AKAP13: variants seen among roughly 807,000 people sequenced by gnomAD.
AKAP13 encodes A-kinase anchoring protein 13.
AKAP13 carries 80 observed loss-of-function variants against 264.5 expected under a neutral mutation model. The ratio of observed to expected loss-of-function variants is 0.30; its 90% CI spans 0.25 to 0.36. The LOEUF (loss-of-function observed/expected upper bound fraction) is 0.36, where lower values mean the gene tolerates loss of function less well. Among genes scored for constraint, AKAP13 ranks in the 10% least tolerant of loss-of-function variants. AKAP13 has a pLI of 1.00. For synonymous variants in AKAP13, 1,380 were observed against 1,250.2 expected, an observed-to-expected ratio of 1.10 and a Z score of -2.19; for missense variants, 3,712 against 3,435.2, an observed-to-expected ratio of 1.08 and a Z score of -2.01.
Position 85,718,478 on chromosome 15 carries a change from C to A in AKAP13, c.6001+319C>A, listed in dbSNP as rs946371656. Reference sequence around the variant, plus strand: ...ACTAAACACAAGTCATTTCTGAGAACTGGGTATACAGTCAGTTACGACAGG... The same window carrying A: ...ACTAAACACAAGTCATTTCTGAGAAATGGGTATACAGTCAGTTACGACAGG... On this transcript the variant is annotated intron_variant, in intron 22 of 36. Transcript: ENST00000394518. The surrounding 1 kb of genome is among the most constrained non-coding windows in gnomAD (Gnocchi z 4.9). Among the ~76,000 whole-genome samples, 6 of 152,184 alleles carry A rather than the reference C, an allele frequency of 3.9e-5. No homozygotes were observed. Among genetic ancestry groups the A allele is most frequent in the Non-Finnish European group, 7.3e-5 (5 of 68,036 alleles).
intron 1 of AKAP13, among the ~76,000 whole-genome samples, chr15:85,449,448 G>C (rs1005446955): frequency 2.0e-5 from 3 of 152,142 alleles, no homozygotes; most frequent in African/African-American, 7.2e-5. Context: ...GCTCTGGCTA[G>C]GATTTCCAAT....
intron 1 of AKAP13, among the ~76,000 whole-genome samples, chr15:85,458,857 C>T (rs1054657239): frequency 6.6e-6 from 1 of 152,180 alleles, no homozygotes; most frequent in South Asian, 2.1e-4. Flanking sequence ...CTGGAATAGT[C>T]TCCTCCTTAA....
chr15:85,522,855 T>C (rs1861699212), intron 3 of AKAP13, among the ~76,000 whole-genome samples: 1 of 151,908 alleles, frequency 6.6e-6, no homozygotes, highest in Non-Finnish European at 1.5e-5. Flanking sequence ...ATCTCTCCTC[T>C]TAGCCACATT....
At chr15:85,459,386 A>G (rs1319548405) in intron 1 of AKAP13, among the ~76,000 whole-genome samples, 3 of 133,398 alleles carry the variant, frequency 2.2e-5, no homozygotes, top group Non-Finnish European at 4.7e-5. Context: ...TTTAGTAGAG[A>G]TGGGGTTTCA....
intron 8 of AKAP13, among the ~76,000 whole-genome samples, chr15:85,615,881 A>G (rs950051518): frequency 1.3e-5 from 2 of 152,142 alleles, no homozygotes; most frequent in African/African-American, 4.8e-5. Context: ...TTGAATCTCT[A>G]ATTTTTCCAT....
chr15:85,652,051 C>T (rs1465428757), intron 10 of AKAP13, among the ~76,000 whole-genome samples: 1 of 152,162 alleles, frequency 6.6e-6, no homozygotes. Flanking sequence ...GAATATTATT[C>T]TGTGTGAACT....
intron 1 of AKAP13, among the ~76,000 whole-genome samples, chr15:85,421,755 G>C (rs574820737): frequency 8.5e-5 from 13 of 152,306 alleles, no homozygotes; most frequent in African/African-American, 2.6e-4. Flanking sequence ...CGACAGAAGG[G>C]ACTTTCTACT....
Position 85,693,389 on chromosome 15 carries a change from G to A in AKAP13, c.5402G>A (p.Gly1801Asp), listed in dbSNP as rs762521461. ...GHTFSSIPVV[G>D]PISCSQCMKP... ...ACTTTCAGTTCCATTCCTGTTGTGGGTCCCATCAGCTGTAGCCAGTGTATG... is the reference window on the plus strand; with the variant it reads ...ACTTTCAGTTCCATTCCTGTTGTGGATCCCATCAGCTGTAGCCAGTGTATG... Residue 1801 changes from glycine (G) to aspartate (D), a missense_variant, in exon 17 of 37, where the codon GGT (glycine) becomes GAT (aspartate). Gly to Asp is a moderately conservative substitution (Grantham distance 94). This residue lies in a region of AKAP13 where 2,759 missense variants were observed against 2,411.7 expected (regional missense o/e 1.14). Coordinates refer to ENST00000394518, the MANE Select transcript of AKAP13 (RefSeq NM_007200.5). The A allele has an allele frequency of 8.7e-6, 14 of 1,613,806 alleles. No homozygotes were observed. The highest frequency in any genetic ancestry group is 1.1e-5 in the South Asian group (1 of 91,000).
intron 2 of AKAP13, among the ~76,000 whole-genome samples, chr15:85,499,935 C>T (rs2075997023): frequency 6.6e-6 from 1 of 152,176 alleles, no homozygotes; most frequent in African/African-American, 2.4e-5. Flanking sequence ...ACTTCAGCTT[C>T]TATCACAGTA....
At chr15:85,638,392 G>T (rs1281758219) in intron 8 of AKAP13, among the ~76,000 whole-genome samples, 1 of 151,918 alleles carries the variant, frequency 6.6e-6, no homozygotes, top group Non-Finnish European at 1.5e-5. Context: ...TTTTATTTGA[G>T]GTTTGTTTTA....
At position 85,485,767 on chromosome 15, in the gene AKAP13, G is replaced by A. The variant is rs2075520683; in HGVS notation, c.33+14G>A. 6.2e-7 allele frequency: 1 copy of A among 1,611,006 alleles called. No individual in the cohort carries two copies. The highest frequency in any genetic ancestry group is 8.5e-7 in the Non-Finnish European group (1 of 1,177,516). ...GCTCCCTTATATGTGAGTAAATCAT[G>A]AGATTTCTTATTATTTTGTGTTTAT... On this transcript the variant is annotated intron_variant, in intron 2 of 36. Coordinates refer to ENST00000394518, the MANE Select transcript of AKAP13 (RefSeq NM_007200.5).
rs1032085771 is a variant in AKAP13 at position 85,718,880 on chromosome 15, C to T, written c.6002-196C>T. On this transcript the variant is annotated intron_variant, in intron 22 of 36. Coordinates refer to ENST00000394518, the MANE Select transcript of AKAP13 (RefSeq NM_007200.5). The surrounding 1 kb of genome is among the most constrained non-coding windows in gnomAD (Gnocchi z 4.9). ...TCAGCCTGCACTTCAGCCTGGGTGACAGAGCCAGAACCTGTCTTAAAAAAA... is the reference window on the plus strand; with the variant it reads ...TCAGCCTGCACTTCAGCCTGGGTGATAGAGCCAGAACCTGTCTTAAAAAAA... 1.6e-6 allele frequency: 1 copy of T among 643,178 alleles called. No individual in the cohort carries two copies. Among genetic ancestry groups the T allele is most frequent in the Non-Finnish European group, 2.5e-6 (1 of 400,232 alleles). The allele number at this position is 643,178 out of a possible 1,614,324, so 39.8% of individuals were successfully genotyped here.
intron 1 of AKAP13, among the ~76,000 whole-genome samples, chr15:85,396,021 T>TACACAC (rs57665297): frequency 0.016 from 2,358 of 150,552 alleles, 61 homozygotes; most frequent in African/African-American, 0.054. Context: ...TATACATACA[T>TACACAC]ACACACACAC....
intron 1 of AKAP13, among the ~76,000 whole-genome samples, chr15:85,473,379 T>A (rs1304244237): frequency 6.6e-6 from 1 of 152,104 alleles, no homozygotes; most frequent in Non-Finnish European, 1.5e-5. Flanking sequence ...GAAAGGGAAA[T>A]AATTCAATTC....
At chr15:85,547,345 G>A (rs2077787668) in intron 5 of AKAP13, among the ~76,000 whole-genome samples, 1 of 150,004 alleles carries the variant, frequency 6.7e-6, no homozygotes, top group East Asian at 1.9e-4. Flanking sequence ...GCCTTGTGCT[G>A]GTTAGGGCCC....
chr15:85,395,127 T>G (rs2071051151), intron 1 of AKAP13, among the ~76,000 whole-genome samples: 2 of 152,182 alleles, frequency 1.3e-5, no homozygotes, highest in South Asian at 2.1e-4. Context: ...CAGAAGAATC[T>G]TTGTGTAGAT....
At chr15:85,438,641 C>G (rs1195164999) in intron 1 of AKAP13, among the ~76,000 whole-genome samples, 2 of 148,440 alleles carry the variant, frequency 1.3e-5, no homozygotes, top group African/African-American at 2.5e-5. Flanking sequence ...TGGAACAGAA[C>G]AGAGCCCTCA....
chr15:85,613,050 C>G (rs529915395), intron 8 of AKAP13, among the ~76,000 whole-genome samples: 1 of 152,152 alleles, frequency 6.6e-6, no homozygotes, highest in East Asian at 1.9e-4. Flanking sequence ...GCTGGACTGT[C>G]TTATGTTCTT....
chr15:85,512,571 T>A (rs1423754197), intron 2 of AKAP13, among the ~76,000 whole-genome samples: 1 of 152,176 alleles, frequency 6.6e-6, no homozygotes, highest in Non-Finnish European at 1.5e-5. Context: ...AATACAGACT[T>A]AGGAATCCTA....
Sources: allele counts gnomAD v4.1 joint callset (sites outside exome capture counted in the v4.1 genomes callset), GRCh38; gene constraint gnomAD v4.1.1; regional missense constraint gnomAD v4.1.1; non-coding constraint Gnocchi (gnomAD v3.1); transcripts MANE v1.5; gene names NCBI Gene and HGNC (gene_info 2026-07-23, HGNC 2026-07-21).